Variants in SH3GL2 observed in about 807,000 individuals in gnomAD.
The protein encoded by SH3GL2 is endophilin-A1.
In SH3GL2, 24 loss-of-function variants were observed where a neutral mutation model predicts 46.0. That is an observed-to-expected ratio of 0.52 (90% CI 0.38 to 0.73). The LOEUF (loss-of-function observed/expected upper bound fraction) is 0.73, where lower values mean the gene tolerates loss of function less well. SH3GL2 is among the 30% of genes least tolerant of loss of function. The pLI, the probability that SH3GL2 is intolerant of heterozygous loss-of-function variation, is 0.00. For missense variants in SH3GL2, 413 were observed against 424.2 expected (o/e 0.97, Z 0.23); for synonymous variants, 196 against 147.1 (o/e 1.33, Z -2.40).
At chr9:17,607,005 CT>C (rs1398349462) in intron 1 of SH3GL2, among the ~76,000 whole-genome samples, 2 of 152,128 alleles carry the variant, frequency 1.3e-5, no homozygotes, top group South Asian at 2.1e-4. Flanking sequence ...AGCTGAAGCC[CT>C]TTTTTTCTCC....
intron 1 of SH3GL2, among the ~76,000 whole-genome samples, chr9:17,678,860 T>G (rs1201701744): frequency 1.3e-5 from 2 of 152,168 alleles, no homozygotes; most frequent in Admixed American, 1.3e-4. Context: ...GGCTAGCCAG[T>G]TTTCCCAGCA....
chr9:17,670,115 C>G lies in SH3GL2; in HGVS notation c.46-76951C>G, dbSNP rs149854801. Among the ~76,000 whole-genome samples the G allele has an allele frequency of 1.7e-4, 26 of 152,224 alleles. No homozygotes were observed. The East Asian group carries it at 5.0e-3, about 29-fold the overall frequency. On this transcript the variant is annotated intron_variant, in intron 1 of 8. Coordinates refer to ENST00000380607, the MANE Select transcript of SH3GL2 (RefSeq NM_003026.5). ...TTTATCATACAGGCAGGTCCTCAGC[C>G]TGAGCTACTCCATGTTGCTTATTTC...
intron 1 of SH3GL2, among the ~76,000 whole-genome samples, chr9:17,684,400 C>G (rs1820851589): frequency 6.6e-6 from 1 of 151,846 alleles, no homozygotes; most frequent in Middle Eastern, 3.4e-3. Context: ...ATCTGAAACA[C>G]AAAGAAAAAA....
intron 1 of SH3GL2, among the ~76,000 whole-genome samples, chr9:17,710,261 C>T (rs571504839): frequency 2.6e-5 from 4 of 151,970 alleles, no homozygotes; most frequent in African/African-American, 7.2e-5. Flanking sequence ...GTTTGCATCC[C>T]TTTCTGTCAT....
At chr9:17,744,164 C>A (rs189348510) in intron 1 of SH3GL2, among the ~76,000 whole-genome samples, 1 of 152,064 alleles carries the variant, frequency 6.6e-6, no homozygotes, top group African/African-American at 2.4e-5. Flanking sequence ...TAATGGTAAA[C>A]CATGTACTTG....
intron 1 of SH3GL2, among the ~76,000 whole-genome samples, chr9:17,679,016 G>A (rs1820691602): frequency 6.6e-6 from 1 of 152,124 alleles, no homozygotes; most frequent in Non-Finnish European, 1.5e-5. Flanking sequence ...CCAGTACCAT[G>A]CTGTTTTGGT....
intron 7 of SH3GL2, among the ~76,000 whole-genome samples, chr9:17,791,960 C>T (rs775741321): frequency 3.9e-5 from 6 of 152,212 alleles, no homozygotes; most frequent in Non-Finnish European, 8.8e-5. Context: ...TTGTGGGGCA[C>T]AGCCTGTTTG....
At chr9:17,718,755 C>T (rs1387397484) in intron 1 of SH3GL2, among the ~76,000 whole-genome samples, 1 of 152,068 alleles carries the variant, frequency 6.6e-6, no homozygotes, top group Non-Finnish European at 1.5e-5. Context: ...CTCCCAGGCC[C>T]CACCTCCAAA....
chr9:17,761,737 A>T (rs1372985424), intron 3 of SH3GL2, among the ~76,000 whole-genome samples: 1 of 152,218 alleles, frequency 6.6e-6, no homozygotes, highest in African/African-American at 2.4e-5. Flanking sequence ...TGACTGTGGT[A>T]TATTTAACAA....
intron 1 of SH3GL2, among the ~76,000 whole-genome samples, chr9:17,677,129 C>T (rs1820632821): frequency 6.6e-6 from 1 of 152,226 alleles, no homozygotes; most frequent in South Asian, 2.1e-4. Context: ...CTGAGAGAAC[C>T]CACGTTCATA....
chr9:17,666,268 G>T (rs1273504625), intron 1 of SH3GL2, among the ~76,000 whole-genome samples: 2 of 151,808 alleles, frequency 1.3e-5, no homozygotes, highest in Non-Finnish European at 2.9e-5. Flanking sequence ...ATATGTTTCT[G>T]TTGTATTCCT....
At chr9:17,663,100 T>C (rs954868573) in intron 1 of SH3GL2, among the ~76,000 whole-genome samples, 7 of 152,228 alleles carry the variant, frequency 4.6e-5, no homozygotes, top group Admixed American at 1.3e-4. Flanking sequence ...CTTTGGGTCT[T>C]AACAAAGCAG....
intron 7 of SH3GL2, among the ~76,000 whole-genome samples, chr9:17,791,774 G>A (rs1361186304): frequency 1.3e-5 from 2 of 152,186 alleles, no homozygotes; most frequent in Non-Finnish European, 2.9e-5. Flanking sequence ...TGGTGCAAGT[G>A]GAGTTCACAG....
intron 1 of SH3GL2, among the ~76,000 whole-genome samples, chr9:17,720,311 T>G (rs562033723): frequency 3.3e-5 from 5 of 152,130 alleles, no homozygotes; most frequent in Non-Finnish European, 7.4e-5. Flanking sequence ...AAGAAAAACC[T>G]TAGGCAAATT....
At chr9:17,735,832 G>A (rs569087192) in intron 1 of SH3GL2, 1 of 574,110 alleles carries the variant, frequency 1.7e-6, no homozygotes, top group African/African-American at 2.0e-5. Context: ...TGGGATTCAG[G>A]GACATTACTC....
At chr9:17,615,299 A>G (rs779955796) in intron 1 of SH3GL2, among the ~76,000 whole-genome samples, 3 of 152,172 alleles carry the variant, frequency 2.0e-5, no homozygotes, top group South Asian at 2.1e-4. Context: ...TGTATTTCCT[A>G]TGAATAAATT....
At chr9:17,736,009 C>G (rs1216148103) in intron 1 of SH3GL2, among the ~76,000 whole-genome samples, 1 of 152,046 alleles carries the variant, frequency 6.6e-6, no homozygotes. Context: ...TCAGCATAAG[C>G]CTGCATTGTT....
chr9:17,629,214 T>G (rs1819364826), intron 1 of SH3GL2, among the ~76,000 whole-genome samples: 1 of 152,192 alleles, frequency 6.6e-6, no homozygotes, highest in Non-Finnish European at 1.5e-5. Context: ...GCCCTCATAT[T>G]GTGTAGTCAT....
At chr9:17,682,115 A>G (rs1820785220) in intron 1 of SH3GL2, among the ~76,000 whole-genome samples, 1 of 152,146 alleles carries the variant, frequency 6.6e-6, no homozygotes, top group South Asian at 2.1e-4. Context: ...GTTGGTGGGA[A>G]TGTAAATTAG....
Sources: allele counts gnomAD v4.1 joint callset (sites outside exome capture counted in the v4.1 genomes callset), GRCh38; gene constraint gnomAD v4.1.1; transcripts MANE v1.5; gene names NCBI Gene and HGNC (gene_info 2026-07-23, HGNC 2026-07-21).